Variants in PPME1 observed in about 807,000 individuals in gnomAD.
The protein encoded by PPME1 is testicular secretory protein Li 39.
In PPME1, 17 loss-of-function variants were observed where a neutral mutation model predicts 56.9. That is an observed-to-expected ratio of 0.30 (90% CI 0.20 to 0.45). The LOEUF is 0.45. Ranked by LOEUF, PPME1 falls within the 20% of genes least tolerant of loss-of-function variation. The pLI, the probability that PPME1 is intolerant of heterozygous loss-of-function variation, is 1.00. For synonymous variants in PPME1, 122 were observed against 156.2 expected (o/e 0.78, Z 1.63); for missense variants, 357 against 483.2 (o/e 0.74, Z 2.45).
intron 3 of PPME1, among the ~76,000 whole-genome samples, chr11:74,219,779 A>T (rs1462865662): frequency 1.3e-5 from 2 of 152,046 alleles, no homozygotes; most frequent in Non-Finnish European, 1.5e-5. Flanking sequence ...GGTGGAGGAT[A>T]ATTGGGGATG....
intron 3 of PPME1, among the ~76,000 whole-genome samples, chr11:74,211,305 T>C (rs1466751120): frequency 6.6e-6 from 1 of 151,816 alleles, no homozygotes; most frequent in Non-Finnish European, 1.5e-5. Flanking sequence ...TCACACAGAA[T>C]AATAAATGCC....
Position 74,241,505 on chromosome 11 carries a change from G to C in PPME1, c.834+2249G>C, listed in dbSNP as rs114124629. Reference sequence around the variant, plus strand: ...TTTTATTATTTGTCTTGGGTACACAGCTGGGAGTGGAACTGATCGATCATA... The same window carrying C: ...TTTTATTATTTGTCTTGGGTACACACCTGGGAGTGGAACTGATCGATCATA... On this transcript the variant is annotated intron_variant, in intron 9 of 13. Coordinates refer to ENST00000328257, the MANE Select transcript of PPME1 (RefSeq NM_016147.3). Among the ~76,000 whole-genome samples the C allele has an allele frequency of 9.1e-3, 1,382 of 152,270 alleles. 19 individuals are homozygous for C. Among genetic ancestry groups the C allele is most frequent in the African/African-American group, 0.031 (1,301 of 41,526 alleles).
chr11:74,181,303 C>T (rs1857530855), intron 1 of PPME1, among the ~76,000 whole-genome samples: 1 of 151,754 alleles, frequency 6.6e-6, no homozygotes, highest in Non-Finnish European at 1.5e-5. Context: ...CCGCCTCGGC[C>T]TCCCAAAGTG....
intron 1 of PPME1, among the ~76,000 whole-genome samples, chr11:74,201,191 G>T (rs1591031562): frequency 6.6e-6 from 1 of 152,118 alleles, no homozygotes; most frequent in African/African-American, 2.4e-5. Flanking sequence ...TAGCCAGGAT[G>T]GTCTCGATCT....
intron 9 of PPME1, among the ~76,000 whole-genome samples, chr11:74,242,940 C>G (rs962344478): frequency 1.2e-4 from 18 of 151,324 alleles, no homozygotes; most frequent in African/African-American, 4.4e-4. Context: ...CCCAAGGGAC[C>G]CACAGTGATT....
intron 1 of PPME1, among the ~76,000 whole-genome samples, chr11:74,171,975 C>T (rs1857254186): frequency 6.6e-6 from 1 of 152,006 alleles, no homozygotes; most frequent in African/African-American, 2.4e-5. Context: ...AATATCTGCA[C>T]TGTGAGAACT....
At chr11:74,240,313 C>G (rs1859324261) in intron 9 of PPME1, among the ~76,000 whole-genome samples, 1 of 152,112 alleles carries the variant, frequency 6.6e-6, no homozygotes, top group African/African-American at 2.4e-5. Flanking sequence ...TCCAAACAAA[C>G]AAAAAATGTG....
intron 3 of PPME1, among the ~76,000 whole-genome samples, chr11:74,208,126 A>G (rs1858375001): frequency 1.3e-5 from 2 of 152,074 alleles, no homozygotes; most frequent in South Asian, 4.2e-4. Context: ...ATCCTGGCCA[A>G]CATGGTGAAA....
chr11:74,208,247 G>A (rs575096), intron 3 of PPME1, among the ~76,000 whole-genome samples: 60,945 of 151,458 alleles, frequency 0.4, 14,498 homozygotes, highest in Admixed American at 0.57. Context: ...GGGGGGCAGA[G>A]GTTGCAGTGA....
chr11:74,237,275 C>CTGTTTTTTTTT (rs1859215072), intron 8 of PPME1, among the ~76,000 whole-genome samples: 1 of 128,032 alleles, frequency 7.8e-6, no homozygotes, highest in African/African-American at 3.2e-5. Context: ...GTCTGGTTGT[C>CTGTTTTTTTTT]TTTTTTTTTT....
intron 5 of PPME1, among the ~76,000 whole-genome samples, chr11:74,226,364 C>A (rs1312554971): frequency 1.3e-5 from 2 of 152,028 alleles, no homozygotes; most frequent in African/African-American, 4.8e-5. Flanking sequence ...TATGATCATT[C>A]AACTATAGTC....
intron 3 of PPME1, chr11:74,205,715 A>G (rs1201480931): frequency 6.6e-6 from 1 of 152,196 alleles, no homozygotes; most frequent in African/African-American, 2.4e-5. Context: ...ATAGGCACAT[A>G]TTCAACCACT....
intron 9 of PPME1, among the ~76,000 whole-genome samples, chr11:74,240,545 T>C (rs1244924278): frequency 6.6e-6 from 1 of 152,220 alleles, no homozygotes; most frequent in African/African-American, 2.4e-5. Flanking sequence ...CTCCTTTGCA[T>C]TTGGTGATGC....
chr11:74,223,905 C>G (rs1263051420), intron 4 of PPME1, among the ~76,000 whole-genome samples: 2 of 149,726 alleles, frequency 1.3e-5, no homozygotes, highest in Non-Finnish European at 3.0e-5. Context: ...CCTGTTCACT[C>G]TGATGGTAGT....
At chr11:74,176,103 A>G (rs1447633566) in intron 1 of PPME1, among the ~76,000 whole-genome samples, 1 of 152,252 alleles carries the variant, frequency 6.6e-6, no homozygotes, top group African/African-American at 2.4e-5. Flanking sequence ...AAAAGCACTT[A>G]TAGTTCCTGA....
At chr11:74,174,797 TG>T (rs1857366848) in intron 1 of PPME1, among the ~76,000 whole-genome samples, 1 of 152,234 alleles carries the variant, frequency 6.6e-6, no homozygotes, top group Non-Finnish European at 1.5e-5. Context: ...CAGACCTGCA[TG>T]GTGAATATTT....
chr11:74,203,131 T>C (rs1858217853), intron 1 of PPME1, among the ~76,000 whole-genome samples: 1 of 152,200 alleles, frequency 6.6e-6, no homozygotes, highest in Non-Finnish European at 1.5e-5. Flanking sequence ...CGATGTTTCA[T>C]TGAATACTTA....
rs1176327749 is a variant in PPME1, at chr11:74,253,897, T to C, written c.*387T>C. ...GCTCAGGGACCTCCATTCCTTGAGATTGTCTTGGCATGGCCCAGCCCTGCC... is the reference window on the plus strand; with the variant it reads ...GCTCAGGGACCTCCATTCCTTGAGACTGTCTTGGCATGGCCCAGCCCTGCC... On this transcript the variant is annotated 3_prime_UTR_variant, in exon 14 of 14. Transcript: ENST00000328257. 3.1e-6 allele frequency: 1 copy of C among 327,322 alleles called. No homozygotes were observed. Among genetic ancestry groups the C allele is most frequent in the South Asian group, 5.9e-5 (1 of 16,832 alleles). 20.3% of individuals were successfully genotyped at this position (327,322 alleles called of 1,614,324 possible).
At chr11:74,219,834 T>C (rs1858751218) in intron 3 of PPME1, among the ~76,000 whole-genome samples, 1 of 152,134 alleles carries the variant, frequency 6.6e-6, no homozygotes, top group Non-Finnish European at 1.5e-5. Context: ...TAAGATCTTG[T>C]ATTTGATGGC....
Sources: gnomAD v4.1 joint callset for allele counts (sites outside exome capture counted in the v4.1 genomes callset) on GRCh38, gnomAD v4.1.1 for gene constraint, MANE v1.5 for transcripts, NCBI Gene and HGNC (gene_info 2026-07-23, HGNC 2026-07-21) for gene names.